DMD: variants seen among roughly 807,000 people sequenced by gnomAD.
DMD encodes dystrophin.
Under a neutral mutation model 330.1 loss-of-function variants are expected in DMD, and 63 were observed. That is an observed-to-expected ratio of 0.19 (90% CI 0.16 to 0.24). The LOEUF is 0.24. Ranked by LOEUF, DMD falls within the 10% of genes least tolerant of loss-of-function variation. The pLI is 1.00. For missense variants in DMD, 3,344 were observed against 2,684.1 expected (o/e 1.25, Z -5.43); for synonymous variants, 1,223 against 959.8 (o/e 1.27, Z -5.07).
chrX:32,702,235 A>C (rs2147651500), intron 7 of DMD, among the ~76,000 whole-genome samples: 1 of 112,282 alleles, frequency 8.9e-6, no homozygotes, highest in South Asian at 3.6e-4. Context: ...GTGTTCCTCT[A>C]ATTGGCACAA....
intron 11 of DMD, among the ~76,000 whole-genome samples, chrX:32,621,286 G>C (rs1160178659): frequency 3.6e-5 from 4 of 111,163 alleles, no homozygotes; most frequent in Non-Finnish European, 7.5e-5. Flanking sequence ...AGTGCAGCTT[G>C]ATCGCACAAG....
At chrX:31,306,457 C>T (rs894926324) in intron 62 of DMD, among the ~76,000 whole-genome samples, 1 of 111,555 alleles carries the variant, frequency 9.0e-6, no homozygotes, top group South Asian at 3.7e-4. Context: ...ATTTCATCTC[C>T]GCCTGACTTC....
intron 54 of DMD, among the ~76,000 whole-genome samples, chrX:31,656,605 T>C (rs2080801325): frequency 8.9e-6 from 1 of 112,265 alleles, no homozygotes; most frequent in Non-Finnish European, 1.9e-5. Context: ...GATCTAATGG[T>C]TGACTCTCTG....
At chrX:32,934,996 C>T (rs1830550) in intron 2 of DMD, among the ~76,000 whole-genome samples, 1 of 111,979 alleles carries the variant, frequency 8.9e-6, no homozygotes, top group African/African-American at 3.2e-5. Flanking sequence ...ATGGGCTCCC[C>T]GGCTCTGGAG....
intron 19 of DMD, among the ~76,000 whole-genome samples, 183 bp from the exon 20 acceptor site, chrX:32,491,701 A>G (rs936585810): frequency 8.9e-6 from 1 of 112,153 alleles, no homozygotes; most frequent in African/African-American, 3.2e-5. Context: ...GAATTATCAG[A>G]CTTGCGTCAC....
chrX:32,166,950 G>T (rs1386719212), intron 44 of DMD, among the ~76,000 whole-genome samples: 1 of 111,973 alleles, frequency 8.9e-6, no homozygotes, highest in Non-Finnish European at 1.9e-5. Flanking sequence ...CACCACATAT[G>T]TATAAAAATA....
chrX:31,428,268 G>A (rs1212811621), intron 60 of DMD, among the ~76,000 whole-genome samples: 2 of 111,141 alleles, frequency 1.8e-5, no homozygotes, highest in Non-Finnish European at 3.8e-5. Context: ...CTCAGAGTGA[G>A]TTCATGTGGG....
At chrX:32,608,044 ATT>A (rs1490237023) in intron 12 of DMD, among the ~76,000 whole-genome samples, 22 of 109,956 alleles carry the variant, frequency 2.0e-4, no homozygotes, top group Non-Finnish European at 4.0e-4. Flanking sequence ...ATCAGGTATA[ATT>A]TTCGTAGCTA....
At chrX:32,360,015 A>G (rs1452990280) in intron 37 of DMD, among the ~76,000 whole-genome samples, 1 of 111,169 alleles carries the variant, frequency 9.0e-6, no homozygotes. Context: ...GAAAAATCAC[A>G]TATTCTGGCT....
At chrX:31,539,568 C>G (rs2073663952) in intron 55 of DMD, among the ~76,000 whole-genome samples, 1 of 111,903 alleles carries the variant, frequency 8.9e-6, no homozygotes, top group South Asian at 3.7e-4. Flanking sequence ...AAAACTATCA[C>G]ATAAAATGTA....
intron 7 of DMD, among the ~76,000 whole-genome samples, chrX:32,726,451 A>G (rs905460893): frequency 3.6e-5 from 4 of 111,506 alleles, no homozygotes; most frequent in African/African-American, 9.7e-5. Context: ...TGCTTCCACC[A>G]AATATACCTT....
intron 9 of DMD, among the ~76,000 whole-genome samples, chrX:32,690,502 T>G (rs1392163601): frequency 9.0e-6 from 1 of 111,715 alleles, no homozygotes; most frequent in Non-Finnish European, 1.9e-5. Flanking sequence ...ACTCTGAAAT[T>G]CATATGGAAC....
At chrX:32,042,258 T>C (rs1441873410) in intron 44 of DMD, among the ~76,000 whole-genome samples, 1 of 106,631 alleles carries the variant, frequency 9.4e-6, no homozygotes, top group Admixed American at 1.0e-4. Context: ...GACTGGGTAA[T>C]TTATAAAGGA....
At chrX:32,861,637 G>T (rs995531594) in intron 2 of DMD, among the ~76,000 whole-genome samples, 3 of 110,254 alleles carry the variant, frequency 2.7e-5, no homozygotes, top group Non-Finnish European at 5.7e-5. Context: ...ACTACATAGA[G>T]AGAGAACTGA....
intron 1 of DMD, among the ~76,000 whole-genome samples, chrX:33,111,890 C>T (rs1281777393): frequency 9.0e-6 from 1 of 111,536 alleles, no homozygotes; most frequent in East Asian, 2.8e-4. Context: ...GGATTACAGG[C>T]GTGAGCCAGC....
chrX:32,384,671 C>T (rs753095575), intron 33 of DMD, among the ~76,000 whole-genome samples: 3 of 110,549 alleles, frequency 2.7e-5, no homozygotes, highest in African/African-American at 9.8e-5. Flanking sequence ...AAGATATAAC[C>T]TTCAATCTAC....
At chrX:31,478,004 C>T in intron 59 of DMD, 102 bp downstream of exon 59, 1 of 955,482 alleles carries the variant, frequency 1.0e-6, no homozygotes, top group Non-Finnish European at 1.5e-6. Context: ...GGACTGATTT[C>T]TCTAGCTTTA....
At chrX:32,987,800 G>T (rs2092882124) in intron 2 of DMD, among the ~76,000 whole-genome samples, 1 of 109,313 alleles carries the variant, frequency 9.1e-6, no homozygotes, top group Non-Finnish European at 1.9e-5. Context: ...AAACTTAGAT[G>T]AATTATTTAA....
chrX:31,338,961 A>C (rs904739015), intron 61 of DMD, among the ~76,000 whole-genome samples: 4 of 108,035 alleles, frequency 3.7e-5, no homozygotes, highest in Admixed American at 9.9e-5. Context: ...AAAAAAAAAA[A>C]AAAACAAAGT....
Sources: allele counts gnomAD v4.1 joint callset (sites outside exome capture counted in the v4.1 genomes callset), GRCh38; gene constraint gnomAD v4.1.1; transcripts MANE v1.5; gene names NCBI Gene and HGNC (gene_info 2026-07-23, HGNC 2026-07-21).